The following ZBTB16 variants were observed in gnomAD, a reference collection of about 807,000 sequenced individuals.
The protein encoded by ZBTB16 is zinc finger and BTB domain-containing protein 16.
ZBTB16 carries 8 observed loss-of-function variants against 56.8 expected under a neutral mutation model. The observed-to-expected ratio is 0.14, with a 90% confidence interval of 0.08 to 0.25. The LOEUF (loss-of-function observed/expected upper bound fraction) is 0.25. ZBTB16 is among the 10% of genes least tolerant of loss of function. ZBTB16 has a pLI of 1.00. For synonymous variants in ZBTB16, 363 were observed against 368.5 expected, an observed-to-expected ratio of 0.98 and a Z score of 0.17; for missense variants, 625 against 903.0, an observed-to-expected ratio of 0.69 and a Z score of 3.95.
At chr11:114,208,199 T>C (rs1016268968) in intron 4 of ZBTB16, among the ~76,000 whole-genome samples, 7 of 152,212 alleles carry the variant, frequency 4.6e-5, no homozygotes, top group African/African-American at 1.7e-4. Context: ...AGGGTGAAGA[T>C]TGAACCACCT....
At position 114,064,709 on chromosome 11, in the gene ZBTB16, G is replaced by A; in HGVS notation, c.1268+141G>A. On this transcript the variant is annotated intron_variant, in intron 2 of 6. Coordinates refer to ENST00000335953, the MANE Select transcript of ZBTB16 (RefSeq NM_006006.6). The surrounding 1 kb of genome is among the most constrained non-coding windows in gnomAD (Gnocchi z 4.2). ...AAAAAACCAGAACACTTCTTCTAAA[G>A]TTCTGGCGGGGAGGGGAGCAGGTTT... 1 of 1,169,240 alleles carries A rather than the reference G, an allele frequency of 8.6e-7. No homozygotes were observed. Among genetic ancestry groups the A allele is most frequent in the Admixed American group, 2.0e-5 (1 of 49,232 alleles). The allele number at this position is 1,169,240 out of a possible 1,614,324, so 72.4% of individuals were successfully genotyped here. A position where few individuals can be genotyped will look rare whatever the true frequency, so the allele number is the denominator to read the frequency against.
Position 114,059,981 on chromosome 11 carries a change from C to T in ZBTB16, c.-91+99C>T, listed in dbSNP as rs1938755545. 1.3e-5 allele frequency: 5 copies of T among 393,414 alleles called. No individual in the cohort carries two copies. The East Asian group carries it at 1.4e-4, about 11-fold the overall frequency. The allele number at this position is 393,414 out of a possible 1,614,324, so 24.4% of individuals were successfully genotyped here. A position where few individuals can be genotyped will look rare whatever the true frequency, so the allele number is the denominator to read the frequency against. On this transcript the variant is annotated intron_variant, in intron 1 of 6. Coordinates refer to ENST00000335953, the MANE Select transcript of ZBTB16 (RefSeq NM_006006.6). This position sits in a 1 kb window ranked among gnomAD's most constrained non-coding sequence, Gnocchi z 5.3. ...TCTGGGGGGCGCGCGCTCGCTTCGG[C>T]CACTCGGCCGCTGGGCTTGTGCCTT... is the stretch of plus-strand genomic sequence containing the variant.
chr11:114,108,781 G>C (rs1940892877), intron 2 of ZBTB16, among the ~76,000 whole-genome samples: 1 of 152,202 alleles, frequency 6.6e-6, no homozygotes, highest in African/African-American at 2.4e-5. Flanking sequence ...AGTTCAAAGA[G>C]GTTAGATGTT....
intron 2 of ZBTB16, among the ~76,000 whole-genome samples, chr11:114,114,711 G>A (rs559377711): frequency 2.7e-5 from 4 of 148,184 alleles, no homozygotes; most frequent in Admixed American, 1.4e-4. Flanking sequence ...GCAGGGTCTC[G>A]CTCTGTCACC....
At chr11:114,093,835 G>A (rs1030485959) in intron 2 of ZBTB16, among the ~76,000 whole-genome samples, 22 of 152,168 alleles carry the variant, frequency 1.4e-4, no homozygotes, top group African/African-American at 4.8e-4. Context: ...TCTAAAAAAG[G>A]CATCACACCA....
Position 114,068,060 on chromosome 11 carries a change from CA to C in ZBTB16, c.1268+3508del, listed in dbSNP as rs4020463. 2.5e-3 allele frequency among the ~76,000 whole-genome samples: 276 copies of C among 111,306 alleles called. 2 individuals carry two copies. The highest frequency in any genetic ancestry group is 3.8e-3 in the Non-Finnish European group (216 of 57,438). The allele number at this position is 111,306 out of a possible 152,430, so 73.0% of individuals were successfully genotyped here. A position where few individuals can be genotyped will look rare whatever the true frequency, so the allele number is the denominator to read the frequency against. ...AACCAGTACAAACAAAAAGCCAAGA[CA>C]AAAAAAAAAAAAAAATCAGAAGGGG... On this transcript the variant is annotated intron_variant, in intron 2 of 6. Transcript: ENST00000335953.
chr11:114,097,019 CA>C lies in ZBTB16; in HGVS notation c.1268+32455del, dbSNP rs1940440341. Among the ~76,000 whole-genome samples, 3 of 152,192 alleles carry C rather than the reference CA, an allele frequency of 2.0e-5. No individual in the cohort carries two copies. The East Asian group carries it at 5.8e-4, about 29-fold the overall frequency. ...CACCCATGTTCATAGCAGCATTAGC[CA>C]AAATAGCCAAAAGGTGGAAATAATT... On this transcript the variant is annotated intron_variant, in intron 2 of 6. Coordinates refer to ENST00000335953, the MANE Select transcript of ZBTB16 (RefSeq NM_006006.6).
chr11:114,159,091 A>T (rs765861846), intron 3 of ZBTB16, among the ~76,000 whole-genome samples: 1 of 152,226 alleles, frequency 6.6e-6, no homozygotes, highest in Non-Finnish European at 1.5e-5. Flanking sequence ...CGGCTGCAGA[A>T]AAGAAAGGGT....
chr11:114,222,384 G>A (rs917176701), intron 4 of ZBTB16, among the ~76,000 whole-genome samples: 1 of 152,100 alleles, frequency 6.6e-6, no homozygotes, highest in African/African-American at 2.4e-5. Flanking sequence ...TAAACACTAC[G>A]GCTTGTCTTT....
chr11:114,196,550 C>G (rs1330554389), intron 4 of ZBTB16, among the ~76,000 whole-genome samples: 4 of 152,206 alleles, frequency 2.6e-5, no homozygotes, highest in Non-Finnish European at 4.4e-5. Flanking sequence ...CCTGCAAGGT[C>G]TGCCAGGTTA....
chr11:114,076,101 ACT>A (rs1181995390), intron 2 of ZBTB16, among the ~76,000 whole-genome samples: 11 of 152,202 alleles, frequency 7.2e-5, no homozygotes, highest in Non-Finnish European at 1.3e-4. Context: ...AGTGAACTGC[ACT>A]TTCGGGGAAA....
chr11:114,231,316 T>C (rs1944438437), intron 4 of ZBTB16, among the ~76,000 whole-genome samples: 1 of 152,144 alleles, frequency 6.6e-6, no homozygotes, highest in African/African-American at 2.4e-5. Context: ...TTCTCTGACT[T>C]GCTCTCTATA....
intron 3 of ZBTB16, among the ~76,000 whole-genome samples, chr11:114,183,820 C>G (rs1193187407): frequency 1.3e-5 from 2 of 152,236 alleles, no homozygotes; most frequent in Non-Finnish European, 2.9e-5. Context: ...TTCTGCATTT[C>G]CAGTGTAAAT....
At chr11:114,117,011 G>C (rs1441273523) in intron 2 of ZBTB16, among the ~76,000 whole-genome samples, 1 of 152,156 alleles carries the variant, frequency 6.6e-6, no homozygotes, top group Non-Finnish European at 1.5e-5. Context: ...CAATTGACTA[G>C]GTTTTGGGAG....
chr11:114,186,864 A>T, intron 3 of ZBTB16, 88 bp from the exon 4 acceptor site: 1 of 1,293,344 alleles, frequency 7.7e-7, no homozygotes, highest in Non-Finnish European at 1.1e-6. Context: ...CCCCTTCCCT[A>T]GTGTCTACCT....
intron 4 of ZBTB16, among the ~76,000 whole-genome samples, chr11:114,211,553 T>A (rs1943998346): frequency 6.6e-6 from 1 of 152,204 alleles, no homozygotes; most frequent in Admixed American, 6.5e-5. Context: ...TTACCACAGT[T>A]GTTACCATTG....
chr11:114,230,493 G>A (rs539129775), intron 4 of ZBTB16, among the ~76,000 whole-genome samples: 28 of 152,218 alleles, frequency 1.8e-4, no homozygotes, highest in Non-Finnish European at 3.4e-4. Flanking sequence ...GTACGGGAAG[G>A]CCGCATGGTG....
At chr11:114,183,787 C>G (rs945468863) in intron 3 of ZBTB16, among the ~76,000 whole-genome samples, 2 of 152,218 alleles carry the variant, frequency 1.3e-5, no homozygotes, top group African/African-American at 4.8e-5. Context: ...CCCATCCAGG[C>G]CCACTCTGCT....
At chr11:114,062,978 A>G (rs899038654) in intron 1 of ZBTB16, among the ~76,000 whole-genome samples, 3 of 152,208 alleles carry the variant, frequency 2.0e-5, no homozygotes, top group Non-Finnish European at 4.4e-5. Context: ...TGAATTAGGC[A>G]TCTGCTGTGG....
Sources: gnomAD v4.1 joint callset for allele counts (sites outside exome capture counted in the v4.1 genomes callset) on GRCh38, gnomAD v4.1.1 for gene constraint, Gnocchi (gnomAD v3.1) non-coding constraint, MANE v1.5 for transcripts, NCBI Gene and HGNC (gene_info 2026-07-23, HGNC 2026-07-21) for gene names.